MED13L: variants seen among roughly 807,000 people sequenced by gnomAD.
MED13L encodes the protein mediator of RNA polymerase II transcription subunit 13-like.
Under a neutral mutation model 220.9 loss-of-function variants are expected in MED13L, and 7 were observed. The ratio of observed to expected loss-of-function variants is 0.03; its 90% CI spans 0.02 to 0.06. The LOEUF (loss-of-function observed/expected upper bound fraction) is 0.06, where lower values mean the gene tolerates loss of function less well. Ranked by LOEUF, MED13L falls within the 10% of genes least tolerant of loss-of-function variation. The probability of loss-of-function intolerance (pLI) is 1.00; values close to 1 mark genes in which losing one functional copy is unlikely to be tolerated. For missense variants in MED13L, 1,965 were observed against 2,760.5 expected, an observed-to-expected ratio of 0.71 and a Z score of 6.46; for synonymous variants, 1,011 against 1,015.2, an observed-to-expected ratio of 1.00 and a Z score of 0.08.
chr12:116,191,479 C>T (rs563722151), intron 2 of MED13L, among the ~76,000 whole-genome samples: 3 of 151,952 alleles, frequency 2.0e-5, no homozygotes, highest in East Asian at 2.0e-4. Context: ...TACAGGCGCC[C>T]GCCACCATGC....
rs112027157 is a variant in MED13L, at chr12:116,138,151, C to T, written c.311-26639G>A. 8.6e-3 allele frequency among the ~76,000 whole-genome samples: 1,308 copies of T among 152,150 alleles called. 28 individuals are homozygous for T. The highest frequency in any genetic ancestry group is 0.03 in the African/African-American group (1,236 of 41,502). On this transcript the variant is annotated intron_variant, in intron 2 of 30. Coordinates refer to ENST00000281928, the MANE Select transcript of MED13L (RefSeq NM_015335.5). ...GATTGCAGGCGTGAGCCACCACGCC[C>T]GGCCTGACATAAATTTTTAAAACCC...
intron 2 of MED13L, among the ~76,000 whole-genome samples, chr12:116,201,194 A>G (rs1299115926): frequency 1.3e-5 from 2 of 152,232 alleles, no homozygotes; most frequent in Non-Finnish European, 2.9e-5. Context: ...ACTTTCTTTA[A>G]AGTCCTCTAT....
intron 4 of MED13L, among the ~76,000 whole-genome samples, chr12:116,059,717 C>G (rs1310273098): frequency 3.3e-5 from 5 of 152,172 alleles, no homozygotes; most frequent in Non-Finnish European, 1.5e-5. Flanking sequence ...CACACCCACC[C>G]TACATAATTC....
intron 11 of MED13L, 52 bp from the exon 12 acceptor site, chr12:116,006,463 G>T: frequency 7.4e-7 from 1 of 1,352,938 alleles, no homozygotes; most frequent in Non-Finnish European, 1.1e-6. Flanking sequence ...CCCAAAGTGT[G>T]AAATATGAGG....
At chr12:115,964,646 C>T (rs1178966548) in intron 29 of MED13L, among the ~76,000 whole-genome samples, 1 of 152,014 alleles carries the variant, frequency 6.6e-6, no homozygotes, top group Admixed American at 6.5e-5. Context: ...CTATCACTGT[C>T]ATCATTTTTT....
chr12:116,002,867 G>T, intron 14 of MED13L, 136 bp downstream of exon 14: 1 of 752,468 alleles, frequency 1.3e-6, no homozygotes. Flanking sequence ...ATTTATATAG[G>T]TTTTAATTCA....
intron 2 of MED13L, among the ~76,000 whole-genome samples, chr12:116,175,741 TTAAG>T: frequency 6.6e-6 from 1 of 152,082 alleles, no homozygotes; most frequent in Admixed American, 6.6e-5. Flanking sequence ...TGGCAGAACT[TTAAG>T]TAACTACAGT....
intron 2 of MED13L, among the ~76,000 whole-genome samples, chr12:116,120,477 T>TCTCTCACACA (rs1257256737): frequency 1.3e-5 from 1 of 79,470 alleles, no homozygotes; most frequent in South Asian, 6.0e-4. Flanking sequence ...TCTCTCTCTC[T>TCTCTCACACA]CACACACACA....
At chr12:116,030,124 C>T (rs188700426) in intron 4 of MED13L, among the ~76,000 whole-genome samples, 101 of 152,158 alleles carry the variant, frequency 6.6e-4, no homozygotes, top group African/African-American at 2.2e-3. Context: ...TGCGCCGCTA[C>T]GCCCAGCTAA....
intron 4 of MED13L, among the ~76,000 whole-genome samples, chr12:116,031,759 A>AAGGAAGGAAGGAAGGAAG (rs1880838903): frequency 6.3e-4 from 26 of 40,986 alleles, no homozygotes; most frequent in East Asian, 3.9e-3. Context: ...AGAAAAGAAA[A>AAGGAAGGAAGGAAGGAAG]GAAGGAAGGA....
intron 4 of MED13L, among the ~76,000 whole-genome samples, chr12:116,043,366 C>T (rs1881649355): frequency 6.6e-6 from 1 of 152,180 alleles, no homozygotes; most frequent in Non-Finnish European, 1.5e-5. Flanking sequence ...GGTTCAGGGA[C>T]CAATTAATCC....
At chr12:116,133,995 G>A (rs1289843753) in intron 2 of MED13L, among the ~76,000 whole-genome samples, 1 of 152,156 alleles carries the variant, frequency 6.6e-6, no homozygotes, top group Non-Finnish European at 1.5e-5. Flanking sequence ...CAGTCTTGGA[G>A]CCCTTCCAGT....
intron 16 of MED13L, among the ~76,000 whole-genome samples, chr12:115,994,745 T>G (rs1211097734): frequency 2.0e-5 from 3 of 152,114 alleles, no homozygotes; most frequent in Non-Finnish European, 4.4e-5. Context: ...TGCGCCAAGG[T>G]GTTCTAGGTG....
At chr12:115,982,093 C>A (rs1877368956) in intron 22 of MED13L, 1 of 356,796 alleles carries the variant, frequency 2.8e-6, no homozygotes, top group Non-Finnish European at 5.2e-6. Context: ...GTATAAAGCA[C>A]AACATGACCA....
intron 4 of MED13L, among the ~76,000 whole-genome samples, chr12:116,043,105 A>G (rs1303713878): frequency 6.6e-6 from 1 of 152,190 alleles, no homozygotes; most frequent in African/African-American, 2.4e-5. Context: ...AGATACATTC[A>G]GCTATCCTGG....
At chr12:116,045,814 TAA>T (rs1371199825) in intron 4 of MED13L, among the ~76,000 whole-genome samples, 2 of 151,988 alleles carry the variant, frequency 1.3e-5, no homozygotes, top group African/African-American at 4.8e-5. Flanking sequence ...TAAAAATTAT[TAA>T]GTCACAAAAA....
At chr12:116,037,992 A>G (rs1213399876) in intron 4 of MED13L, among the ~76,000 whole-genome samples, 2 of 152,180 alleles carry the variant, frequency 1.3e-5, no homozygotes, top group Non-Finnish European at 2.9e-5. Context: ...TCATCTTACT[A>G]AAATCTCTCC....
chr12:116,003,279 T>C (rs547289374), intron 13 of MED13L, among the ~76,000 whole-genome samples, 177 bp from the exon 14 acceptor site: 146 of 152,302 alleles, frequency 9.6e-4, no homozygotes, highest in Admixed American at 3.5e-3. Flanking sequence ...GCTTATCAAG[T>C]GTAAGAAACA....
chr12:116,232,024 A>G, intron 2 of MED13L: 3 of 948,138 alleles, frequency 3.2e-6, no homozygotes, highest in Non-Finnish European at 3.8e-6. Flanking sequence ...AATGAGTTCA[A>G]TAAACAATAG....
Sources: gnomAD v4.1 joint callset for allele counts (sites outside exome capture counted in the v4.1 genomes callset) on GRCh38, gnomAD v4.1.1 for gene constraint, MANE v1.5 for transcripts, NCBI Gene and HGNC (gene_info 2026-07-23, HGNC 2026-07-21) for gene names.